The following COL24A1 variants were observed in gnomAD, a reference collection of about 807,000 sequenced individuals.
The protein encoded by COL24A1 is collagen alpha-1(XXIV) chain.
Under a neutral mutation model 253.9 loss-of-function variants are expected in COL24A1, and 224 were observed. That is an observed-to-expected ratio of 0.88 (90% CI 0.79 to 0.99). The LOEUF (loss-of-function observed/expected upper bound fraction) is 0.99. Among genes scored for constraint, COL24A1 ranks in the 50% least tolerant of loss-of-function variants. COL24A1 has a pLI of 0.00. For missense variants in COL24A1, 2,131 were observed against 2,068.5 expected (o/e 1.03, Z -0.59); for synonymous variants, 685 against 673.7 (o/e 1.02, Z -0.26).
At chr1:85,984,395 T>G (rs554798854) in intron 20 of COL24A1, among the ~76,000 whole-genome samples, 1 of 152,006 alleles carries the variant, frequency 6.6e-6, no homozygotes, top group Admixed American at 6.6e-5. Context: ...ACTTCTTATA[T>G]TTCTTAATTA....
At chr1:86,058,063 T>A in intron 9 of COL24A1, 88 bp from the exon 10 acceptor site, 3 of 1,024,490 alleles carry the variant, frequency 2.9e-6, no homozygotes, top group Non-Finnish European at 4.3e-6. Flanking sequence ...TATAAAGAGC[T>A]ATCATTTTCA....
At chr1:85,971,517 C>G in intron 20 of COL24A1, 124 bp from the exon 21 acceptor site, 1 of 780,030 alleles carries the variant, frequency 1.3e-6, no homozygotes, top group Non-Finnish European at 2.0e-6. Context: ...AAGAAGTCCT[C>G]AAAATGGGTT....
chr1:85,745,522 C>T lies in COL24A1; in HGVS notation c.4438-16G>A. Reference sequence around the variant, plus strand: ...CCATTTGCTTCTGTGTAAAACAAAACCATTTGAGATTAGCAATAAGATCAA... The same window carrying T: ...CCATTTGCTTCTGTGTAAAACAAAATCATTTGAGATTAGCAATAAGATCAA... On this transcript the variant is annotated splice_polypyrimidine_tract_variant and intron_variant, in intron 55 of 59. Transcript: ENST00000370571. 6.3e-7 allele frequency: 1 copy of T among 1,598,870 alleles called. No individual in the cohort carries two copies. The highest frequency in any genetic ancestry group is 1.1e-5 in the South Asian group (1 of 88,826).
chr1:85,925,802 CA>C (rs1435861247), intron 24 of COL24A1, among the ~76,000 whole-genome samples: 5 of 152,080 alleles, frequency 3.3e-5, no homozygotes, highest in Admixed American at 6.5e-5. Context: ...GCAAAGGCAA[CA>C]AAAGCCAAAA....
At chr1:86,156,960 C>G (rs1653716868), upstream of COL24A1, 1 of 152,312 alleles carries the variant, frequency 6.6e-6, no homozygotes, top group African/African-American at 2.4e-5. Flanking sequence ...TTGACTGCCG[C>G]CGGCTGCTTT....
chr1:86,066,060 C>T (rs6703328), intron 7 of COL24A1, among the ~76,000 whole-genome samples: 17,632 of 152,052 alleles, frequency 0.12, 1,082 homozygotes, highest in Middle Eastern at 0.2. Flanking sequence ...AAAAGTACAA[C>T]AAAAGATTCA....
At position 85,969,716 on chromosome 1, in the gene COL24A1, T is replaced by C. The variant is rs981810672; in HGVS notation, c.2463+511A>G. On this transcript the variant is annotated intron_variant, in intron 22 of 59. Coordinates refer to ENST00000370571, the MANE Select transcript of COL24A1 (RefSeq NM_152890.7). ...TGAGTCTAATGCCTCTTAAAATAAA[T>C]GTAACACATATACCTTAATTATTTC... 2.7e-5 allele frequency among the ~76,000 whole-genome samples: 4 copies of C among 148,070 alleles called. No homozygotes were observed. The East Asian group carries it at 8.0e-4, about 30-fold the overall frequency.
intron 2 of COL24A1, among the ~76,000 whole-genome samples, chr1:86,139,742 C>A (rs1234952725): frequency 1.3e-5 from 2 of 152,058 alleles, no homozygotes; most frequent in Non-Finnish European, 2.9e-5. Flanking sequence ...TATATTCTTT[C>A]CAGTTTGTAG....
intron 45 of COL24A1, among the ~76,000 whole-genome samples, chr1:85,821,484 T>C (rs961574778): frequency 1.3e-5 from 2 of 152,332 alleles, no homozygotes; most frequent in South Asian, 4.1e-4. Flanking sequence ...TAAAGGGTCA[T>C]TTCCAAATCT....
intron 12 of COL24A1, among the ~76,000 whole-genome samples, chr1:86,046,399 T>C (rs1699905577): frequency 6.6e-6 from 1 of 152,156 alleles, no homozygotes; most frequent in East Asian, 1.9e-4. Flanking sequence ...CCTGAAAATA[T>C]GAGAAGCTGT....
chr1:86,097,998 T>C (rs1233801636), intron 5 of COL24A1, among the ~76,000 whole-genome samples: 2 of 152,156 alleles, frequency 1.3e-5, no homozygotes, highest in Non-Finnish European at 2.9e-5. Flanking sequence ...CTCCTGTAGA[T>C]AATGATTACA....
chr1:86,029,160 A>AC (rs1286565595), intron 14 of COL24A1, among the ~76,000 whole-genome samples: 2 of 151,806 alleles, frequency 1.3e-5, no homozygotes, highest in African/African-American at 4.8e-5. Flanking sequence ...GAAAAAAAAA[A>AC]ACATCACACA....
chr1:85,818,138 C>T (rs1673238616), intron 45 of COL24A1, 51 bp from the exon 46 acceptor site: 1 of 1,477,386 alleles, frequency 6.8e-7, no homozygotes, highest in Admixed American at 1.7e-5. Flanking sequence ...CTTACTTAAA[C>T]TGAAGCCATA....
intron 20 of COL24A1, among the ~76,000 whole-genome samples, chr1:85,979,596 A>G: frequency 6.6e-6 from 1 of 152,082 alleles, no homozygotes; most frequent in East Asian, 1.9e-4. Flanking sequence ...GAGATGTATA[A>G]ATTTCTGGAA....
intron 6 of COL24A1, among the ~76,000 whole-genome samples, chr1:86,091,659 GT>G (rs1308829868): frequency 4.6e-5 from 7 of 152,120 alleles, no homozygotes; most frequent in African/African-American, 1.7e-4. Context: ...TTTAAAACTA[GT>G]TTTTACTAAA....
chr1:85,950,042 C>A (rs575296640), intron 24 of COL24A1, among the ~76,000 whole-genome samples: 51 of 152,182 alleles, frequency 3.4e-4, no homozygotes, highest in Middle Eastern at 6.8e-3. Flanking sequence ...AGGAAAACTC[C>A]TCCACATTAT....
intron 55 of COL24A1, among the ~76,000 whole-genome samples, chr1:85,756,934 T>G (rs2101054704): frequency 6.6e-6 from 1 of 152,196 alleles, no homozygotes; most frequent in East Asian, 1.9e-4. Flanking sequence ...GATATTACGT[T>G]AAGTGAAATA....
chr1:86,028,921 G>A (rs1466761123), intron 14 of COL24A1, among the ~76,000 whole-genome samples: 1 of 152,098 alleles, frequency 6.6e-6, no homozygotes, highest in Non-Finnish European at 1.5e-5. Flanking sequence ...AGTATGTCAT[G>A]GACATGTGGG....
chr1:85,738,806 C>A (rs902174649), intron 57 of COL24A1, among the ~76,000 whole-genome samples: 3 of 152,144 alleles, frequency 2.0e-5, no homozygotes, highest in Non-Finnish European at 4.4e-5. Context: ...TTCTACTAAT[C>A]CCTCTAAATG....
Sources: gnomAD v4.1 joint callset for allele counts (sites outside exome capture counted in the v4.1 genomes callset) on GRCh38, gnomAD v4.1.1 for gene constraint, MANE v1.5 for transcripts, NCBI Gene and HGNC (gene_info 2026-07-23, HGNC 2026-07-21) for gene names.